The following TMEM132D variants were observed in gnomAD, a reference collection of about 807,000 sequenced individuals.
TMEM132D encodes the protein transmembrane protein 132D.
TMEM132D carries 21 observed loss-of-function variants against 62.3 expected under a neutral mutation model. The ratio of observed to expected loss-of-function variants is 0.34; its 90% CI spans 0.24 to 0.49. TMEM132D has a LOEUF of 0.49. Ranked by LOEUF, TMEM132D falls within the 20% of genes least tolerant of loss-of-function variation. The probability of loss-of-function intolerance (pLI) is 0.99; values close to 1 mark genes in which losing one functional copy is unlikely to be tolerated. For synonymous variants in TMEM132D, 621 were observed against 575.6 expected (o/e 1.08, Z -1.13); for missense variants, 1,346 against 1,402.8 (o/e 0.96, Z 0.65).
intron 3 of TMEM132D, among the ~76,000 whole-genome samples, chr12:129,480,052 T>C (rs1418010426): frequency 7.0e-6 from 1 of 142,774 alleles, no homozygotes; most frequent in African/African-American, 2.6e-5. Context: ...CACTGTGTCC[T>C]AGAGATTTGA....
chr12:129,466,317 T>TAGAGA, intron 3 of TMEM132D, among the ~76,000 whole-genome samples: 2 of 85,806 alleles, frequency 2.3e-5, no homozygotes, highest in African/African-American at 4.3e-5. Flanking sequence ...TTTTTTTTTT[T>TAGAGA]TTTTTTTAGA....
At chr12:129,837,976 C>G (rs536355498) in intron 1 of TMEM132D, among the ~76,000 whole-genome samples, 1 of 152,118 alleles carries the variant, frequency 6.6e-6, no homozygotes, top group Non-Finnish European at 1.5e-5. Context: ...TTTTCTTTCT[C>G]TCTTCAGACA....
At chr12:129,164,495 T>C (rs10847785) in intron 5 of TMEM132D, among the ~76,000 whole-genome samples, 91,761 of 152,120 alleles carry the variant, frequency 0.6, 28,329 homozygotes, top group Non-Finnish European at 0.67. Context: ...CCCAGCTGTA[T>C]TGGTCCATTT....
At chr12:129,338,448 A>G (rs1448363453) in intron 3 of TMEM132D, among the ~76,000 whole-genome samples, 1 of 152,208 alleles carries the variant, frequency 6.6e-6, no homozygotes, top group African/African-American at 2.4e-5. Context: ...ATAAGCATAC[A>G]TCTAGAAACA....
At chr12:129,297,893 G>A (rs1593327817) in intron 4 of TMEM132D, among the ~76,000 whole-genome samples, 1 of 152,266 alleles carries the variant, frequency 6.6e-6, no homozygotes, top group South Asian at 2.1e-4. Context: ...AACATGGTCA[G>A]ACACCAAGCC....
intron 3 of TMEM132D, among the ~76,000 whole-genome samples, chr12:129,479,803 C>T (rs1874379698): frequency 8.5e-6 from 1 of 118,136 alleles, no homozygotes; most frequent in Non-Finnish European, 1.8e-5. Context: ...TCACTGTGTC[C>T]TAGAGATTTG....
intron 3 of TMEM132D, among the ~76,000 whole-genome samples, chr12:129,530,188 A>G (rs1448429081): frequency 6.6e-6 from 1 of 152,220 alleles, no homozygotes; most frequent in African/African-American, 2.4e-5. Flanking sequence ...CATAATAGTT[A>G]TCAGCTGAGA....
chr12:129,216,637 G>T lies in TMEM132D; in HGVS notation c.1300-6974C>A, dbSNP rs190492090. Among the ~76,000 whole-genome samples, 332 of 152,308 alleles carry T rather than the reference G, an allele frequency of 2.2e-3. 1 individual carries two copies. The highest frequency in any genetic ancestry group is 7.9e-3 in the African/African-American group (327 of 41,562). ...TGTTAGACTTGCAGCCTCCAGAACA[G>T]TGATGGAGTGAGTGTCTCTTGTATT... is the stretch of plus-strand genomic sequence containing the variant. On this transcript the variant is annotated intron_variant, in intron 4 of 8. Transcript: ENST00000422113.
At chr12:129,578,965 C>T (rs1877764519) in intron 2 of TMEM132D, among the ~76,000 whole-genome samples, 1 of 152,182 alleles carries the variant, frequency 6.6e-6, no homozygotes, top group African/African-American at 2.4e-5. Flanking sequence ...GCTATCTGGG[C>T]ATCCCACAGT....
At chr12:129,331,082 C>T (rs377241468) in intron 4 of TMEM132D, among the ~76,000 whole-genome samples, 6 of 152,236 alleles carry the variant, frequency 3.9e-5, no homozygotes, top group Admixed American at 6.5e-5. Flanking sequence ...TGTCTGAGCA[C>T]GAGGATCAAG....
intron 2 of TMEM132D, among the ~76,000 whole-genome samples, chr12:129,645,864 C>T (rs1879764785): frequency 6.6e-6 from 1 of 152,166 alleles, no homozygotes. Context: ...GGACAGTTTA[C>T]AAATTCTATG....
intron 3 of TMEM132D, among the ~76,000 whole-genome samples, chr12:129,470,053 G>A (rs1244558567): frequency 6.6e-6 from 1 of 152,164 alleles, no homozygotes; most frequent in Non-Finnish European, 1.5e-5. Context: ...AATCAACCTA[G>A]AATCTATACA....
chr12:129,109,011 T>A (rs1248638347), intron 5 of TMEM132D, among the ~76,000 whole-genome samples: 1 of 152,240 alleles, frequency 6.6e-6, no homozygotes, highest in African/African-American at 2.4e-5. Context: ...TAGACTTCAA[T>A]AATCAATTTC....
intron 2 of TMEM132D, among the ~76,000 whole-genome samples, chr12:129,637,524 C>T (rs943777083): frequency 2.0e-5 from 3 of 152,116 alleles, no homozygotes; most frequent in African/African-American, 7.2e-5. Flanking sequence ...TGGTCAAAAG[C>T]GTGTGGTACC....
intron 3 of TMEM132D, among the ~76,000 whole-genome samples, chr12:129,472,939 A>G (rs1451422324): frequency 6.6e-6 from 1 of 151,766 alleles, no homozygotes; most frequent in Non-Finnish European, 1.5e-5. Context: ...ATCTCGGCTC[A>G]CTGCAACCTC....
At chr12:129,455,832 G>A (rs1467491830) in intron 3 of TMEM132D, among the ~76,000 whole-genome samples, 1 of 152,188 alleles carries the variant, frequency 6.6e-6, no homozygotes, top group Non-Finnish European at 1.5e-5. Context: ...ATAAAAAGGA[G>A]GTTAAACTGT....
intron 4 of TMEM132D, among the ~76,000 whole-genome samples, chr12:129,308,223 A>C (rs1290825270): frequency 2.0e-5 from 3 of 152,176 alleles, no homozygotes; most frequent in Non-Finnish European, 4.4e-5. Context: ...TGATACCTGC[A>C]ATTTTTACTG....
chr12:129,877,324 A>T (rs1200541558), intron 1 of TMEM132D, among the ~76,000 whole-genome samples: 2 of 152,082 alleles, frequency 1.3e-5, no homozygotes, highest in African/African-American at 2.4e-5. Flanking sequence ...CTTCAAAGAG[A>T]TTTCTGTGAC....
At chr12:129,801,950 G>C (rs1048566886) in intron 1 of TMEM132D, among the ~76,000 whole-genome samples, 1 of 151,380 alleles carries the variant, frequency 6.6e-6, no homozygotes, top group African/African-American at 2.4e-5. Flanking sequence ...GATGGAAGAT[G>C]AAATGAATGA....
Sources: gnomAD v4.1 joint callset for allele counts (sites outside exome capture counted in the v4.1 genomes callset) on GRCh38, gnomAD v4.1.1 for gene constraint, MANE v1.5 for transcripts, NCBI Gene and HGNC (gene_info 2026-07-23, HGNC 2026-07-21) for gene names.